CAPRIN1: variants seen among roughly 807,000 people sequenced by gnomAD.
The protein encoded by CAPRIN1 is caprin-1.
A neutral mutation model predicts 100.9 loss-of-function variants in CAPRIN1; 29 were observed. The ratio of observed to expected loss-of-function variants is 0.29; its 90% confidence interval spans 0.21 to 0.39. The LOEUF (loss-of-function observed/expected upper bound fraction) is 0.39. Among genes scored for constraint, CAPRIN1 ranks in the 10% least tolerant of loss-of-function variants. CAPRIN1 has a pLI of 1.00. For missense variants in CAPRIN1, 795 were observed against 876.7 expected (o/e 0.91, Z 1.18); for synonymous variants, 338 against 307.5 (o/e 1.10, Z -1.04).
rs367750625 is a variant in CAPRIN1 at position 34,053,148 on chromosome 11, C to T, written c.216+512C>T. The T allele has an allele frequency of 1.9e-5, 19 of 988,650 alleles. 1 individual carries two copies. The South Asian group carries it at 2.3e-4, about 12-fold the overall frequency. 61.2% of individuals were successfully genotyped at this position (988,650 alleles called of 1,614,324 possible). On this transcript the variant is annotated intron_variant, in intron 2 of 18. Coordinates refer to ENST00000341394, the MANE Select transcript of CAPRIN1 (RefSeq NM_005898.5). Reference sequence around the variant, plus strand: ...ACTCGAGACCTGTCGAGCGTCCCCTCTTCTTCCGTAGGAGAGAAGTGTGTT... The same window carrying T: ...ACTCGAGACCTGTCGAGCGTCCCCTTTTCTTCCGTAGGAGAGAAGTGTGTT...
intron 2 of CAPRIN1, among the ~76,000 whole-genome samples, chr11:34,070,381 C>G (rs1247190087): frequency 6.6e-6 from 1 of 152,122 alleles, no homozygotes; most frequent in Non-Finnish European, 1.5e-5. Flanking sequence ...TGAGTTTATT[C>G]AGAAAAAAAA....
chr11:34,052,222 GC>G (rs1405875857), intron 1 of CAPRIN1, 198 bp from the exon 2 acceptor site: 1 of 189,712 alleles, frequency 5.3e-6, no homozygotes, highest in Non-Finnish European at 9.9e-6. Context: ...GCGAGGCCCA[GC>G]CGGGCGCCCC....
At chr11:34,096,291 G>T in intron 15 of CAPRIN1, 188 bp from the exon 16 acceptor site, 1 of 472,908 alleles carries the variant, frequency 2.1e-6, no homozygotes, top group Non-Finnish European at 3.7e-6. Context: ...ACCCCCAATA[G>T]CTGAGTCTAA....
chr11:34,072,120 A>G (rs989354344), intron 4 of CAPRIN1, 133 bp downstream of exon 4: 5 of 605,568 alleles, frequency 8.3e-6, no homozygotes, highest in African/African-American at 3.7e-5. Context: ...ATGCCTTCAC[A>G]TTCTGTAAAG....
At position 34,086,104 on chromosome 11, in the gene CAPRIN1, C is replaced by CT. The variant is rs779453799; in HGVS notation, c.1009dup (p.Ser337PhefsTer35). 1 of 1,614,140 alleles carries CT rather than the reference C, an allele frequency of 6.2e-7. No individual in the cohort carries two copies. The highest frequency in any genetic ancestry group is 8.5e-7 in the Non-Finnish European group (1 of 1,180,016). On this transcript the variant is annotated frameshift_variant, in exon 10 of 19. Transcript: ENST00000341394. LOFTEE classifies it high-confidence loss of function. Reference sequence around the variant, plus strand: ...CAGCAGCAACCTCAGGCTGCATCCCCTTCAGTACCAGAGCCCCACTCTTTG... The same window carrying CT: ...CAGCAGCAACCTCAGGCTGCATCCCCTTTCAGTACCAGAGCCCCACTCTTTG...
rs1355484639 is a variant in CAPRIN1 at position 34,052,575 on chromosome 11, A to G, written c.155A>G (p.Glu52Gly). 2 of 1,610,752 alleles carry G rather than the reference A, an allele frequency of 1.2e-6. No homozygotes were observed. The highest frequency in any genetic ancestry group is 1.7e-6 in the Non-Finnish European group (2 of 1,179,028). ...PATGTGAVQTEAMKQILGVID... is the reference protein window; with the variant it reads ...PATGTGAVQTGAMKQILGVID... ...ACCGGCACCGGCGCTGTCCAGACCG[A>G]GGCCATGAAGCAGATTCTCGGGGTG... The change falls in exon 2 of 19, where the codon GAG (glutamate) becomes GGG (glycine). Residue 52 changes from glutamate to glycine, a missense_variant. Around this residue, in one of 3 missense-constraint regions of CAPRIN1, gnomAD observed 109 missense variants for 86.6 expected, o/e 1.26. Transcript: ENST00000341394.
intron 2 of CAPRIN1, among the ~76,000 whole-genome samples, chr11:34,071,443 T>C (rs780321187): frequency 3.3e-5 from 5 of 152,100 alleles, no homozygotes; most frequent in Non-Finnish European, 5.9e-5. Context: ...TGAGTGCCTG[T>C]AATCCCAGCT....
chr11:34,061,450 C>G (rs80061771), intron 2 of CAPRIN1, among the ~76,000 whole-genome samples: 1 of 151,804 alleles, frequency 6.6e-6, no homozygotes. Flanking sequence ...TCAGGAGATT[C>G]GTCCACTTTG....
chr11:34,069,490 A>C (rs192741640), intron 2 of CAPRIN1, among the ~76,000 whole-genome samples: 72 of 152,238 alleles, frequency 4.7e-4, no homozygotes, highest in African/African-American at 1.3e-3. Context: ...TTAAGCAAAT[A>C]GAATTTTTTA....
intron 4 of CAPRIN1, among the ~76,000 whole-genome samples, chr11:34,074,043 A>G (rs1850856719): frequency 2.0e-5 from 3 of 152,110 alleles, no homozygotes; most frequent in Admixed American, 1.3e-4. Flanking sequence ...AATTCATTCT[A>G]AATAGCTCCC....
At chr11:34,082,532 A>G (rs1851053511) in intron 7 of CAPRIN1, among the ~76,000 whole-genome samples, 1 of 152,196 alleles carries the variant, frequency 6.6e-6, no homozygotes, top group South Asian at 2.1e-4. Flanking sequence ...GCAAAACTGA[A>G]CAGAAGGTGT....
chr11:34,062,814 G>A (rs1471949248), intron 2 of CAPRIN1, among the ~76,000 whole-genome samples: 1 of 152,030 alleles, frequency 6.6e-6, no homozygotes, highest in African/African-American at 2.4e-5. Context: ...TTCCCTCTCA[G>A]TTTAGACATC....
At chr11:34,096,386 C>T in intron 15 of CAPRIN1, 93 bp from the exon 16 acceptor site, 1 of 784,912 alleles carries the variant, frequency 1.3e-6, no homozygotes, top group Non-Finnish European at 2.0e-6. Context: ...TTTAAGGAGA[C>T]TGTATAAGAC....
At position 34,076,595 on chromosome 11, in the gene CAPRIN1, T is replaced by A. The variant is rs1187252760; in HGVS notation, c.641T>A (p.Leu214Gln). The A allele has an allele frequency of 1.9e-6, 3 of 1,614,002 alleles. No individual in the cohort carries two copies. Among genetic ancestry groups the A allele is most frequent in the Non-Finnish European group, 2.5e-6 (3 of 1,179,836 alleles). The change falls in exon 6 of 19, where the codon CTG becomes CAG. Residue 214 changes from leucine (L) to glutamine (Q), a missense_variant. Physicochemically the swap from Leu to Gln is moderately radical, Grantham distance 113. This residue lies in a region of CAPRIN1 where 648 missense variants were observed against 697.9 expected (regional missense o/e 0.93). Transcript: ENST00000341394. ...NEQYEHASIH[L>Q]WDLLEGKEKP... ...CAGTATGAACATGCCTCCATTCACC[T>A]GTGGGACCTGCTGGAAGGGAAGGAA... is the stretch of plus-strand genomic sequence containing the variant.
In CAPRIN1 at chr11:34,102,514, C is replaced by T. The variant is rs775242807; in HGVS notation, c.*3147C>T. On this transcript the variant is annotated 3_prime_UTR_variant, in exon 19 of 19. Coordinates refer to ENST00000341394, the MANE Select transcript of CAPRIN1 (RefSeq NM_005898.5). Reference sequence around the variant, plus strand: ...GGAAAACGAAAGTAAATTGTTAAGGCTCATCTTCATACCTTTTTCCATTTT... The same window carrying T: ...GGAAAACGAAAGTAAATTGTTAAGGTTCATCTTCATACCTTTTTCCATTTT... Among the ~76,000 whole-genome samples the T allele has an allele frequency of 4.6e-5, 7 of 152,186 alleles. No homozygotes were observed. Among genetic ancestry groups the T allele is most frequent in the Non-Finnish European group, 1.0e-4 (7 of 68,028 alleles).
chr11:34,085,781 G>A (rs1166573647), intron 9 of CAPRIN1, among the ~76,000 whole-genome samples: 2 of 152,092 alleles, frequency 1.3e-5, no homozygotes, highest in Non-Finnish European at 2.9e-5. Context: ...TCCAGCCTGG[G>A]TTACAGAGCT....
chr11:34,084,569 G>A (rs1851101089), intron 9 of CAPRIN1, among the ~76,000 whole-genome samples: 1 of 152,178 alleles, frequency 6.6e-6, no homozygotes, highest in African/African-American at 2.4e-5. Context: ...GTTGTGCCAT[G>A]TATCTGCGGG....
At chr11:34,099,207 G>A in intron 18 of CAPRIN1, 96 bp from the exon 19 acceptor site, 1 of 1,537,896 alleles carries the variant, frequency 6.5e-7, no homozygotes, top group African/African-American at 1.4e-5. Context: ...GTGGTGACAG[G>A]CTGCCCACAT....
At position 34,077,031 on chromosome 11, in the gene CAPRIN1, A is replaced by G. The variant is rs565255147; in HGVS notation, c.688+389A>G. ...ATTACAGGTGTGAGCCACTGCGCCC[A>G]GCTAGTTTTCCTATTTAAAATTAAT... is the stretch of plus-strand genomic sequence containing the variant. On this transcript the variant is annotated intron_variant, in intron 6 of 18. Transcript: ENST00000341394. Among the ~76,000 whole-genome samples the G allele has an allele frequency of 1.5e-3, 226 of 152,336 alleles. 2 individuals are homozygous for G. The highest frequency in any genetic ancestry group is 5.3e-3 in the African/African-American group (219 of 41,586).
Sources: allele counts gnomAD v4.1 joint callset (sites outside exome capture counted in the v4.1 genomes callset), GRCh38; gene constraint gnomAD v4.1.1; regional missense constraint gnomAD v4.1.1; transcripts MANE v1.5; gene names NCBI Gene and HGNC (gene_info 2026-07-23, HGNC 2026-07-21).